CYFIP1: variants seen among roughly 807,000 people sequenced by gnomAD.
The protein encoded by CYFIP1 is cytoplasmic FMR1-interacting protein 1.
A neutral mutation model predicts 163.5 loss-of-function variants in CYFIP1; 58 were observed. The ratio of observed to expected loss-of-function variants is 0.35; its 90% CI spans 0.29 to 0.44. The LOEUF is 0.44. Ranked by LOEUF, CYFIP1 falls within the 20% of genes least tolerant of loss-of-function variation. The pLI, the probability that CYFIP1 is intolerant of heterozygous loss-of-function variation, is 1.00. For synonymous variants in CYFIP1, 663 were observed against 660.7 expected, an observed-to-expected ratio of 1.00 and a Z score of -0.05; for missense variants, 1,338 against 1,653.8, an observed-to-expected ratio of 0.81 and a Z score of 3.31.
At chr15:22,905,653 T>C (rs2060549263) in intron 21 of CYFIP1, among the ~76,000 whole-genome samples, 1 of 151,994 alleles carries the variant, frequency 6.6e-6, no homozygotes, top group Non-Finnish European at 1.5e-5. Flanking sequence ...GTGGCCAGGA[T>C]GGTCTCGATC....
At chr15:22,933,959 G>A in intron 9 of CYFIP1, 66 bp from the exon 10 acceptor site, 1 of 1,126,112 alleles carries the variant, frequency 8.9e-7, no homozygotes, top group South Asian at 1.3e-5. Flanking sequence ...ATAAGCACAA[G>A]GAAACTGACT....
In CYFIP1 at chr15:22,909,287, A is replaced by G. The variant is rs761812584; in HGVS notation, c.2295T>C (p.Asn765=). The change falls in exon 21 of 31, where the codon AAT becomes AAC. Residue 765 remains asparagine, a synonymous_variant. Transcript: ENST00000617928. ...CTGAGACGCGCTGGGTGATCAGACG[A>G]TTGAGGTCTATTGATCTGCCGAGGA... ...VQLLGRSIDL[N]RLITQRVSAA... The G allele has an allele frequency of 1.9e-6, 3 of 1,614,082 alleles. No homozygotes were observed. The South Asian group carries it at 3.3e-5, about 18-fold the overall frequency.
At chr15:22,930,756 G>A (rs1343305493) in intron 11 of CYFIP1, among the ~76,000 whole-genome samples, 1 of 152,174 alleles carries the variant, frequency 6.6e-6, no homozygotes, top group African/African-American at 2.4e-5. Flanking sequence ...TAAGCAAAGT[G>A]TTGTTACAAA....
chr15:22,962,210 C>G lies in CYFIP1; in HGVS notation c.-6-14919G>C, dbSNP rs533710553. Among the ~76,000 whole-genome samples the G allele has an allele frequency of 3.9e-5, 6 of 152,198 alleles. 1 individual carries two copies. The highest frequency in any genetic ancestry group is 1.4e-4 in the African/African-American group (6 of 41,516). ...ACTGGGACTCAGATACATAATAATT[C>G]TTGGACTCTGACCTGCTCTCACCAT... On this transcript the variant is annotated intron_variant, in intron 1 of 30. Coordinates refer to ENST00000617928, the MANE Select transcript of CYFIP1 (RefSeq NM_014608.6).
chr15:22,898,685 GCTA>G (rs1555402563), intron 22 of CYFIP1, among the ~76,000 whole-genome samples: 2 of 151,980 alleles, frequency 1.3e-5, no homozygotes, highest in Non-Finnish European at 2.9e-5. Context: ...ACAGGGGTGT[GCTA>G]CCATACCCAG....
chr15:22,978,352 CAAAAAAAAAA>C (rs397976366), intron 1 of CYFIP1, among the ~76,000 whole-genome samples: 57 of 52,772 alleles, frequency 1.1e-3, no homozygotes, highest in East Asian at 6.2e-3. Context: ...GACTCTGTCA[CAAAAAAAAAA>C]AAAAAAAAAA....
At chr15:22,943,953 A>C (rs1459956959) in intron 5 of CYFIP1, among the ~76,000 whole-genome samples, 1 of 152,114 alleles carries the variant, frequency 6.6e-6, no homozygotes, top group East Asian at 1.9e-4. Context: ...CAAAAGTACA[A>C]ATTGGCCAGG....
chr15:22,868,747 C>T lies in CYFIP1; in HGVS notation c.*1281G>A, dbSNP rs1034078977. ...TTCCAAAGGCCTCCGGAAAAGTAGG[C>T]GAGGCCTGCTTTTTATGGCAACTTG... is the stretch of plus-strand genomic sequence containing the variant. On this transcript the variant is annotated 3_prime_UTR_variant, in exon 31 of 31. Transcript: ENST00000617928. 1.3e-5 allele frequency: 2 copies of T among 152,256 alleles called. No homozygotes were observed. Among genetic ancestry groups the T allele is most frequent in the African/African-American group, 4.8e-5 (2 of 41,548 alleles). 9.4% of individuals were successfully genotyped at this position (152,256 alleles called of 1,614,324 possible).
At chr15:22,957,110 C>T (rs1409219565) in intron 1 of CYFIP1, among the ~76,000 whole-genome samples, 4 of 152,248 alleles carry the variant, frequency 2.6e-5, no homozygotes, top group East Asian at 1.9e-4. Context: ...GGCACGCCGA[C>T]GCTAACTCCC....
chr15:22,870,150 G>A lies in CYFIP1; in HGVS notation c.3640C>T (p.Leu1214Phe), dbSNP rs753566722. The change falls in exon 31 of 31, where the codon CTC (leucine) becomes TTC (phenylalanine). Residue 1214 changes from leucine (L) to phenylalanine (F), a missense_variant. Transcript: ENST00000617928. ...AGGATGGTGATGATCTCATCATTGA[G>A]AATCTGGAACTTGCGAATTCTCTCC... Reference protein sequence around the residue: ...MVERIRKFQILNDEIITILDK... With the variant: ...MVERIRKFQIFNDEIITILDK... 1 of 1,612,256 alleles carries A rather than the reference G, an allele frequency of 6.2e-7. No individual in the cohort carries two copies.
rs11856462 is a variant in CYFIP1, at chr15:22,974,114, C to T, written c.-7+6173G>A. Among the ~76,000 whole-genome samples the T allele has an allele frequency of 5.3e-3, 810 of 152,254 alleles. 9 individuals carry two copies. The highest frequency in any genetic ancestry group is 0.018 in the African/African-American group (746 of 41,544). On this transcript the variant is annotated intron_variant, in intron 1 of 30. Coordinates refer to ENST00000617928, the MANE Select transcript of CYFIP1 (RefSeq NM_014608.6). ...GTATAGCCATTGTAGAAAACAGTGC[C>T]GGGGGTTCCTCAAAATATTAAAAAT...
At chr15:22,881,208 C>T (rs2059750982) in intron 25 of CYFIP1, among the ~76,000 whole-genome samples, 1 of 152,164 alleles carries the variant, frequency 6.6e-6, no homozygotes, top group Non-Finnish European at 1.5e-5. Flanking sequence ...CGTCGGTCAC[C>T]CACGTGCAGG....
chr15:22,951,414 G>C (rs2062245150), intron 1 of CYFIP1: 1 of 1,289,128 alleles, frequency 7.8e-7, no homozygotes, highest in Non-Finnish European at 1.0e-6. Flanking sequence ...CCCCAGCGCT[G>C]CCTGCAGAGC....
At chr15:22,951,014 A>T (rs1427945592) in intron 1 of CYFIP1, among the ~76,000 whole-genome samples, 1 of 152,228 alleles carries the variant, frequency 6.6e-6, no homozygotes, top group African/African-American at 2.4e-5. Context: ...CGTCACTGGT[A>T]TGCAAGTACG....
At chr15:22,937,691 C>T (rs1461687581) in intron 8 of CYFIP1, among the ~76,000 whole-genome samples, 1 of 151,724 alleles carries the variant, frequency 6.6e-6, no homozygotes, top group Non-Finnish European at 1.5e-5. Flanking sequence ...CTCTGCCTCC[C>T]AGGTTCAAGC....
intron 13 of CYFIP1, among the ~76,000 whole-genome samples, chr15:22,923,037 AAT>A (rs2061240487): frequency 6.6e-6 from 1 of 152,124 alleles, no homozygotes; most frequent in East Asian, 1.9e-4. Flanking sequence ...CACAGGAGTA[AAT>A]CATCATGACC....
chr15:22,881,954 C>T lies in CYFIP1; in HGVS notation c.2821-18G>A, dbSNP rs746154148. 1.7e-5 allele frequency: 28 copies of T among 1,607,778 alleles called. No homozygotes were observed. The highest frequency in any genetic ancestry group is 1.7e-4 in the Middle Eastern group (1 of 6,048). On this transcript the variant is annotated intron_variant, in intron 24 of 30. Coordinates refer to ENST00000617928, the MANE Select transcript of CYFIP1 (RefSeq NM_014608.6). ...CCTTGCAGCTGCCGGGGAGATGAGA[C>T]GGGCTGCGTCAGCCACCCCACTCCG...
chr15:22,903,314 T>A (rs1479563870), intron 22 of CYFIP1, among the ~76,000 whole-genome samples: 1 of 152,082 alleles, frequency 6.6e-6, no homozygotes, highest in Non-Finnish European at 1.5e-5. Flanking sequence ...AACCTCAGGA[T>A]ACTGCCAGCA....
intron 23 of CYFIP1, among the ~76,000 whole-genome samples, chr15:22,889,494 C>T (rs1301259837): frequency 6.6e-6 from 1 of 152,230 alleles, no homozygotes; most frequent in African/African-American, 2.4e-5. Context: ...ACAAAGGGCA[C>T]ACAGACACAC....
Sources: allele counts gnomAD v4.1 joint callset (sites outside exome capture counted in the v4.1 genomes callset), GRCh38; gene constraint gnomAD v4.1.1; transcripts MANE v1.5; gene names NCBI Gene and HGNC (gene_info 2026-07-23, HGNC 2026-07-21).